The following THADA variants were observed in gnomAD, a reference collection of about 807,000 sequenced individuals.
THADA encodes tRNA (32-2'-O)-methyltransferase regulator THADA.
A neutral mutation model predicts 219.8 loss-of-function variants in THADA; 213 were observed. The ratio of observed to expected loss-of-function variants is 0.97; its 90% CI spans 0.87 to 1.09. The LOEUF is 1.09. Among genes scored for constraint, THADA ranks in the 50% least tolerant of loss-of-function variants. The pLI is 0.00. For synonymous variants in THADA, 1,018 were observed against 828.9 expected, an observed-to-expected ratio of 1.23 and a Z score of -3.92; for missense variants, 2,956 against 2,311.3, an observed-to-expected ratio of 1.28 and a Z score of -5.72.
chr2:43,476,759 A>G (rs1685601157), intron 26 of THADA, among the ~76,000 whole-genome samples: 1 of 152,196 alleles, frequency 6.6e-6, no homozygotes, highest in South Asian at 2.1e-4. Context: ...CAGTCATGCA[A>G]GTTAGGTACT....
At chr2:43,369,296 C>G (rs1670530509) in intron 29 of THADA, among the ~76,000 whole-genome samples, 2 of 152,260 alleles carry the variant, frequency 1.3e-5, no homozygotes, top group South Asian at 4.2e-4. Context: ...CATGAATGAC[C>G]AGGATCACCC....
At chr2:43,419,129 G>A (rs1048841643) in intron 28 of THADA, among the ~76,000 whole-genome samples, 7 of 152,182 alleles carry the variant, frequency 4.6e-5, no homozygotes, top group African/African-American at 1.7e-4. Context: ...TCTTGCAAAT[G>A]AGAGGTGATG....
At chr2:43,427,855 C>G (rs1168960170) in intron 28 of THADA, among the ~76,000 whole-genome samples, 2 of 149,640 alleles carry the variant, frequency 1.3e-5, no homozygotes, top group Non-Finnish European at 3.0e-5. Flanking sequence ...ACTCCGGAGG[C>G]TGAGGCAGAA....
intron 29 of THADA, among the ~76,000 whole-genome samples, chr2:43,378,232 C>G (rs1671607390): frequency 6.6e-6 from 1 of 152,152 alleles, no homozygotes; most frequent in Non-Finnish European, 1.5e-5. Context: ...GTACTTATTT[C>G]ACCTGTGTCA....
chr2:43,497,129 T>A (rs1404161004), intron 25 of THADA, among the ~76,000 whole-genome samples: 1 of 152,192 alleles, frequency 6.6e-6, no homozygotes, highest in African/African-American at 2.4e-5. Context: ...GACAGTGTGG[T>A]GATTCCTCAA....
chr2:43,362,184 C>G (rs138293562), intron 29 of THADA, among the ~76,000 whole-genome samples: 40 of 152,322 alleles, frequency 2.6e-4, no homozygotes, highest in Middle Eastern at 3.4e-3. Flanking sequence ...TCAAAGGAAG[C>G]AAAGCGTCTT....
intron 26 of THADA, among the ~76,000 whole-genome samples, chr2:43,454,602 A>AAC (rs35970227): frequency 0.031 from 4,681 of 149,024 alleles, 84 homozygotes; most frequent in Middle Eastern, 0.048. Context: ...ACCCTGTCTA[A>AAC]ACACACACAC....
At chr2:43,500,031 A>G (rs1688742590) in intron 24 of THADA, among the ~76,000 whole-genome samples, 1 of 152,144 alleles carries the variant, frequency 6.6e-6, no homozygotes, top group East Asian at 1.9e-4. Context: ...ATGACTAACC[A>G]AGAAGAGAGA....
chr2:43,382,893 A>C (rs1445644229), intron 29 of THADA, among the ~76,000 whole-genome samples: 1 of 152,208 alleles, frequency 6.6e-6, no homozygotes, highest in East Asian at 1.9e-4. Flanking sequence ...TATACCACAA[A>C]AATGGCCTCA....
intron 31 of THADA, among the ~76,000 whole-genome samples, chr2:43,318,537 T>C (rs1678332609): frequency 6.6e-6 from 1 of 152,214 alleles, no homozygotes; most frequent in Non-Finnish European, 1.5e-5. Context: ...ACATCTCATT[T>C]TGGACCAACC....
At chr2:43,483,007 C>G (rs564281401) in intron 26 of THADA, among the ~76,000 whole-genome samples, 6 of 152,116 alleles carry the variant, frequency 3.9e-5, no homozygotes, top group African/African-American at 1.2e-4. Context: ...TGCCTAGAAA[C>G]CAGGTTTGTT....
At chr2:43,509,482 C>G (rs1690116814) in intron 22 of THADA, among the ~76,000 whole-genome samples, 1 of 152,166 alleles carries the variant, frequency 6.6e-6, no homozygotes, top group South Asian at 2.1e-4. Flanking sequence ...ACACAATTAT[C>G]TTAGCAAGGT....
chr2:43,313,524 T>C (rs1350851647), intron 31 of THADA, among the ~76,000 whole-genome samples: 1 of 152,254 alleles, frequency 6.6e-6, no homozygotes, highest in Non-Finnish European at 1.5e-5. Context: ...AGGAAGTGTT[T>C]TGTGCAGTGG....
Position 43,279,729 on chromosome 2 carries a change from G to T in THADA, c.5296+36C>A, listed in dbSNP as rs747137189. The T allele has an allele frequency of 1.1e-4, 163 of 1,537,096 alleles. 2 individuals carry two copies. In the South Asian group the frequency reaches 1.9e-3, roughly 18 times the overall value. Reference sequence around the variant, plus strand: ...AAAGTGTTCCAACCTCTATCCTGCAGCGATAAGACAATGCAAAAGGATAAG... The same window carrying T: ...AAAGTGTTCCAACCTCTATCCTGCATCGATAAGACAATGCAAAAGGATAAG... On this transcript the variant is annotated intron_variant, in intron 36 of 37. Transcript: ENST00000405975.
At position 43,501,485 on chromosome 2, in the gene THADA, C is replaced by A. The variant is rs1573962191; in HGVS notation, c.3622-2530G>T. ...TAAATCAATACATTTAAATTCTAAC[C>A]AAAATTCCAAAAGGGCTTTTTATTG... On this transcript the variant is annotated intron_variant, in intron 24 of 37. Transcript: ENST00000405975. Among the ~76,000 whole-genome samples the A allele has an allele frequency of 4.6e-5, 7 of 151,828 alleles. No homozygotes were observed. The South Asian group carries it at 1.5e-3, about 32-fold the overall frequency.
intron 26 of THADA, among the ~76,000 whole-genome samples, chr2:43,477,482 T>C (rs776083906): frequency 1.3e-4 from 20 of 152,210 alleles, no homozygotes; most frequent in Non-Finnish European, 2.4e-4. Context: ...CGTTAAAACA[T>C]AGGACATATA....
At chr2:43,418,875 G>C (rs2104783298) in intron 28 of THADA, among the ~76,000 whole-genome samples, 1 of 152,264 alleles carries the variant, frequency 6.6e-6, no homozygotes, top group Non-Finnish European at 1.5e-5. Context: ...AGAAAAAGCA[G>C]AAATGAGAAG....
intron 36 of THADA, among the ~76,000 whole-genome samples, chr2:43,241,522 C>T (rs1668618312): frequency 6.7e-6 from 1 of 148,656 alleles, no homozygotes; most frequent in African/African-American, 2.5e-5. Context: ...CTTTGCACCC[C>T]TGTCTGGACT....
At chr2:43,364,813 G>T (rs1669940343) in intron 29 of THADA, among the ~76,000 whole-genome samples, 3 of 152,164 alleles carry the variant, frequency 2.0e-5, no homozygotes, top group Non-Finnish European at 4.4e-5. Context: ...AATGAAAGGA[G>T]GAAAGCAGCA....
Sources: gnomAD v4.1 joint callset for allele counts (sites outside exome capture counted in the v4.1 genomes callset) on GRCh38, gnomAD v4.1.1 for gene constraint, MANE v1.5 for transcripts, NCBI Gene and HGNC (gene_info 2026-07-23, HGNC 2026-07-21) for gene names.